KRT6A: variants seen among roughly 807,000 people sequenced by gnomAD.
KRT6A encodes the protein keratin, type II cytoskeletal 6A.
KRT6A carries 28 observed loss-of-function variants against 48.6 expected under a neutral mutation model. The ratio of observed to expected loss-of-function variants is 0.58; its 90% CI spans 0.43 to 0.79. KRT6A has a LOEUF of 0.79. Among genes scored for constraint, KRT6A ranks in the 30% least tolerant of loss-of-function variants. The pLI is 0.00. For synonymous variants in KRT6A, 301 were observed against 294.2 expected (o/e 1.02, Z -0.24); for missense variants, 687 against 724.3 (o/e 0.95, Z 0.59).
chr12:52,488,681 A>T, intron 6 of KRT6A, 133 bp from the exon 7 acceptor site: 4 of 1,158,968 alleles, frequency 3.5e-6, no homozygotes, highest in Non-Finnish European at 4.8e-6. Flanking sequence ...CTTCCTATCT[A>T]TTGTTTTTTT....
chr12:52,487,619 G>C lies in KRT6A; in HGVS notation c.*101C>G. 1.4e-6 allele frequency: 2 copies of C among 1,452,590 alleles called. No homozygotes were observed. The highest frequency in any genetic ancestry group is 1.9e-6 in the Non-Finnish European group (2 of 1,042,948). The allele number at this position is 1,452,590 out of a possible 1,614,324, so 90.0% of individuals were successfully genotyped here. On this transcript the variant is annotated 3_prime_UTR_variant, in exon 9 of 9. Coordinates refer to ENST00000330722, the MANE Select transcript of KRT6A (RefSeq NM_005554.4). ...ATACCCAGCTCTACCTGGGACAGCA[G>C]GGGAGACTGGAGGCCAGGAGAGGAA...
rs1052287089 is a variant in KRT6A, at chr12:52,488,558, G to A, written c.1204-10C>T. ...CCTGCAGGTTGGCGCACTGGAAGAG[G>A]AAAGGAATAGAAGAAACTTGTCATC... On this transcript the variant is annotated splice_polypyrimidine_tract_variant and intron_variant, in intron 6 of 8. Coordinates refer to ENST00000330722, the MANE Select transcript of KRT6A (RefSeq NM_005554.4). 9 of 1,614,048 alleles carry A rather than the reference G, an allele frequency of 5.6e-6. No homozygotes were observed. Among genetic ancestry groups the A allele is most frequent in the Non-Finnish European group, 7.6e-6 (9 of 1,180,042 alleles).
rs779059221 is a variant in KRT6A, at chr12:52,493,084, G to A, written c.105C>T (p.Ser35=). 4.3e-6 allele frequency: 7 copies of A among 1,613,646 alleles called. No individual in the cohort carries two copies. Among genetic ancestry groups the A allele is most frequent in the East Asian group, 2.2e-5 (1 of 44,894 alleles). The change falls in exon 1 of 9, where the codon AGC becomes AGT. Residue 35 remains serine, a synonymous_variant. Transcript: ENST00000330722. Reference sequence around the variant, plus strand: ...TGCCCCTGGAGCGGGACACGGAGACGCTGCTGAAGCCAGAGCGGCTGACCC... The same window carrying A: ...TGCCCCTGGAGCGGGACACGGAGACACTGCTGAAGCCAGAGCGGCTGACCC... ...LPGVSRSGFS[S]VSVSRSRGSG...
Position 52,492,881 on chromosome 12 carries a change from C to T in KRT6A, c.308G>A (p.Gly103Asp). 6.2e-7 allele frequency: 1 copy of T among 1,608,088 alleles called. No individual in the cohort carries two copies. Among genetic ancestry groups the T allele is most frequent in the Non-Finnish European group, 8.5e-7 (1 of 1,177,212 alleles). The change falls in exon 1 of 9, where the codon GGT (glycine) becomes GAT (aspartate). Residue 103 changes from glycine (G) to aspartate (D), a missense_variant. Transcript: ENST00000330722. ...ACCAAAGCCAATGCCGGCTCCACCA[C>T]CGAAACCAAATCCACTCCCGGCGCC... ...FGGAGSGFGF[G>D]GGAGIGFGLG... is the part of the protein sequence containing the mutation.
chr12:52,487,686 G>A lies in KRT6A; in HGVS notation c.*34C>T. On this transcript the variant is annotated 3_prime_UTR_variant, in exon 9 of 9. Coordinates refer to ENST00000330722, the MANE Select transcript of KRT6A (RefSeq NM_005554.4). ...GGGCTCTGCAGCCAGAGAGGGGCCT[G>A]AGGACTGTGGGACCGAGAGCTAGCA... 2 of 1,613,972 alleles carry A rather than the reference G, an allele frequency of 1.2e-6. No individual in the cohort carries two copies. The highest frequency in any genetic ancestry group is 8.5e-7 in the Non-Finnish European group (1 of 1,179,888).
At chr12:52,491,471 C>G in intron 2 of KRT6A, 51 bp downstream of exon 2, 1 of 1,604,106 alleles carries the variant, frequency 6.2e-7, no homozygotes, top group Non-Finnish European at 8.5e-7. Context: ...ACCCAATAGT[C>G]TTGAAGTGTG....
intron 6 of KRT6A, among the ~76,000 whole-genome samples, chr12:52,489,188 A>G (rs1235794269): frequency 1.3e-5 from 2 of 152,200 alleles, no homozygotes; most frequent in Non-Finnish European, 2.9e-5. Flanking sequence ...TGTCCAACCT[A>G]CAGCCCACAG....
intron 2 of KRT6A, 26 bp downstream of exon 2, chr12:52,491,494 CTG>C (rs1938260959): frequency 6.2e-7 from 1 of 1,611,420 alleles, no homozygotes; most frequent in Non-Finnish European, 8.5e-7. Flanking sequence ...CTGCAGGAAA[CTG>C]AGTCCATTTC....
chr12:52,489,937 C>A lies in KRT6A; in HGVS notation c.1203+6G>T. 1.2e-6 allele frequency: 2 copies of A among 1,614,148 alleles called. No homozygotes were observed. The highest frequency in any genetic ancestry group is 1.7e-6 in the Non-Finnish European group (2 of 1,180,034). The stretch of plus-strand genomic sequence containing the variant: ...TGCTTCTCTCCTCCATTGTCCCTCA[C>A]CATACCTGCTTCTTGACGTGGTCGA... On this transcript the variant is annotated splice_donor_region_variant and intron_variant, in intron 6 of 8. Coordinates refer to ENST00000330722, the MANE Select transcript of KRT6A (RefSeq NM_005554.4).
At chr12:52,491,913 C>G (rs768427107) in intron 1 of KRT6A, among the ~76,000 whole-genome samples, 177 bp from the exon 2 acceptor site, 1 of 152,198 alleles carries the variant, frequency 6.6e-6, no homozygotes, top group Non-Finnish European at 1.5e-5. Flanking sequence ...CCCCACCAAT[C>G]TCACTAGAGG....
In KRT6A at chr12:52,487,272, C is replaced by T. The variant is rs538784486; in HGVS notation, c.*448G>A. On this transcript the variant is annotated 3_prime_UTR_variant, in exon 9 of 9. Coordinates refer to ENST00000330722, the MANE Select transcript of KRT6A (RefSeq NM_005554.4). ...GCTTTGTACATCATAGGACTAGTCA[C>T]TTGTGCTTTCATGGATACTGCCTGG... The T allele has an allele frequency of 2.0e-5, 5 of 246,392 alleles. No individual in the cohort carries two copies. Among genetic ancestry groups the T allele is most frequent in the African/African-American group, 6.7e-5 (3 of 44,808 alleles). 15.3% of individuals were successfully genotyped at this position (246,392 alleles called of 1,614,324 possible). A position where few individuals can be genotyped will look rare whatever the true frequency, so the allele number is the denominator to read the frequency against.
At position 52,488,309 on chromosome 12, in the gene KRT6A, G is replaced by A. The variant is rs1182474795; in HGVS notation, c.1424+19C>T. ...GAAGATGGACTCAGCTGTTGAAGGA[G>A]TTCGTGTCAGTTACCCACCTGCACT... On this transcript the variant is annotated intron_variant, in intron 7 of 8. Coordinates refer to ENST00000330722, the MANE Select transcript of KRT6A (RefSeq NM_005554.4). 2 of 1,614,170 alleles carry A rather than the reference G, an allele frequency of 1.2e-6. No individual in the cohort carries two copies. Among genetic ancestry groups the A allele is most frequent in the Admixed American group, 1.7e-5 (1 of 60,028 alleles).
rs368052661 is a variant in KRT6A at position 52,488,462 on chromosome 12, C to A, written c.1290G>T (p.Leu430=). ...GCTTGGCCTTCTGCAGGGCATCCTCCAGCCCTTCCAGCTTGTTCTTGGCAT... is the reference window on the plus strand; with the variant it reads ...GCTTGGCCTTCTGCAGGGCATCCTCAAGCCCTTCCAGCTTGTTCTTGGCAT... ...LKDAKNKLEG[L]EDALQKAKQD... Residue 430 remains leucine (L), a synonymous_variant, in exon 7 of 9, where the codon CTG becomes CTT. Coordinates refer to ENST00000330722, the MANE Select transcript of KRT6A (RefSeq NM_005554.4). 592 of 1,614,048 alleles carry A rather than the reference C, an allele frequency of 3.7e-4. No individual in the cohort carries two copies. The highest frequency in any genetic ancestry group is 7.2e-4 in the South Asian group (66 of 91,088).
At chr12:52,488,581 A>G (rs2120392413) in intron 6 of KRT6A, 33 bp from the exon 7 acceptor site, 4 of 1,612,870 alleles carry the variant, frequency 2.5e-6, no homozygotes, top group Non-Finnish European at 2.5e-6. Flanking sequence ...GAAACTTGTC[A>G]TCCGGTCTTC....
At chr12:52,490,474 C>A (rs1938239572) in intron 5 of KRT6A, 95 bp downstream of exon 5, 3 of 1,590,172 alleles carry the variant, frequency 1.9e-6, no homozygotes, top group East Asian at 2.2e-5. Context: ...AGGACCCCAG[C>A]TTCCTGTCAG....
intron 1 of KRT6A, among the ~76,000 whole-genome samples, chr12:52,492,202 GATTA>G (rs1038239047): frequency 5.3e-5 from 8 of 152,134 alleles, no homozygotes; most frequent in African/African-American, 1.9e-4. Context: ...TTGTTTTGAG[GATTA>G]ATTAACATTT....
At chr12:52,492,584 G>A in intron 1 of KRT6A, 65 bp downstream of exon 1, 2 of 1,613,434 alleles carry the variant, frequency 1.2e-6, no homozygotes, top group African/African-American at 1.3e-5. Context: ...TCCCTGGCAG[G>A]AAGGTGTTGC....
At chr12:52,492,457 C>A (rs1213251309) in intron 1 of KRT6A, among the ~76,000 whole-genome samples, 192 bp downstream of exon 1, 1 of 152,160 alleles carries the variant, frequency 6.6e-6, no homozygotes, top group East Asian at 1.9e-4. Context: ...GGAGTGAGGG[C>A]CACTCCAGAG....
Position 52,492,833 on chromosome 12 carries a change from G to C in KRT6A, c.356C>G (p.Ala119Gly). ...GAAGCCAGGGCCCCCAAAGCCACCAGCAAGGCCGGCTCCACCACCCAGACC... is the reference window on the plus strand; with the variant it reads ...GAAGCCAGGGCCCCCAAAGCCACCACCAAGGCCGGCTCCACCACCCAGACC... ...GFGLGGGAGL[A>G]GGFGGPGFPV... The change falls in exon 1 of 9, where the codon GCT (alanine) becomes GGT (glycine). Residue 119 changes from alanine to glycine, a missense_variant. By Grantham distance (60) the Ala-to-Gly change is moderately conservative. This residue lies in a region of KRT6A where 566 missense variants were observed against 565.3 expected (regional missense o/e 1.00). Coordinates refer to ENST00000330722, the MANE Select transcript of KRT6A (RefSeq NM_005554.4). 2.5e-6 allele frequency: 4 copies of C among 1,611,714 alleles called. No homozygotes were observed. The highest frequency in any genetic ancestry group is 2.2e-5 in the East Asian group (1 of 44,826).
Sources: gnomAD v4.1 joint callset for allele counts (sites outside exome capture counted in the v4.1 genomes callset) on GRCh38, gnomAD v4.1.1 for gene constraint, gnomAD v4.1.1 regional missense constraint, MANE v1.5 for transcripts, NCBI Gene and HGNC (gene_info 2026-07-23, HGNC 2026-07-21) for gene names.